The following RALGPS1 variants were observed in gnomAD, a reference collection of about 807,000 sequenced individuals.
RALGPS1 encodes Ral GEF with PH domain and SH3 binding motif 1.
A neutral mutation model predicts 78.8 loss-of-function variants in RALGPS1; 19 were observed. That is an observed-to-expected ratio of 0.24 (90% confidence interval 0.17 to 0.35). The LOEUF (loss-of-function observed/expected upper bound fraction) is 0.35. RALGPS1 is among the 10% of genes least tolerant of loss of function. RALGPS1 has a pLI of 1.00. For synonymous variants in RALGPS1, 228 were observed against 256.3 expected (o/e 0.89, Z 1.06); for missense variants, 454 against 688.3 (o/e 0.66, Z 3.81).
intron 4 of RALGPS1, among the ~76,000 whole-genome samples, chr9:127,018,163 C>T (rs1215785469): frequency 1.3e-5 from 2 of 151,934 alleles, no homozygotes; most frequent in African/African-American, 4.8e-5. Flanking sequence ...TGCAGTGACC[C>T]GACATTGCGC....
chr9:127,061,877 C>G (rs964857279), intron 7 of RALGPS1, among the ~76,000 whole-genome samples: 1 of 152,112 alleles, frequency 6.6e-6, no homozygotes, highest in Non-Finnish European at 1.5e-5. Context: ...GGGCCCTTGG[C>G]AAACTTATAT....
intron 4 of RALGPS1, among the ~76,000 whole-genome samples, chr9:127,022,305 C>T (rs1428355862): frequency 9.2e-5 from 14 of 152,090 alleles, no homozygotes; most frequent in Non-Finnish European, 1.6e-4. Flanking sequence ...TTCAAATTAC[C>T]AAAGTGAGTT....
intron 4 of RALGPS1, 185 bp downstream of exon 4, chr9:126,977,930 G>A (rs2040833568): frequency 2.1e-6 from 1 of 486,068 alleles, no homozygotes; most frequent in African/African-American, 2.0e-5. Context: ...ATTTTCCAGA[G>A]AATGTCTCCC....
At chr9:126,985,302 G>A (rs944805730) in intron 4 of RALGPS1, among the ~76,000 whole-genome samples, 62 of 152,184 alleles carry the variant, frequency 4.1e-4, no homozygotes, top group African/African-American at 1.5e-3. Context: ...ATTCCACACT[G>A]AGACAAGCCA....
In RALGPS1 at chr9:127,212,124, TC is replaced by T. The variant is rs1588594857; in HGVS notation, c.1248-5del. ...AGGGCGATGTCTGACTGGTAGTCTC[TC>T]CTCAGCCCCACCGGCCCGTGCATCT... On this transcript the variant is annotated splice_polypyrimidine_tract_variant and splice_region_variant and intron_variant, in intron 14 of 18. Coordinates refer to ENST00000259351, the MANE Select transcript of RALGPS1 (RefSeq NM_014636.3). The surrounding 1 kb of genome is among the most constrained non-coding windows in gnomAD (Gnocchi z 6.0). 1 of 1,607,908 alleles carries T rather than the reference TC, an allele frequency of 6.2e-7. No homozygotes were observed. The highest frequency in any genetic ancestry group is 8.5e-7 in the Non-Finnish European group (1 of 1,177,314).
In RALGPS1 at chr9:127,185,262, A is replaced by G. The variant is rs997786895; in HGVS notation, c.911-9829A>G. 1.1e-4 allele frequency among the ~76,000 whole-genome samples: 16 copies of G among 151,896 alleles called. 1 individual carries two copies. The highest frequency in any genetic ancestry group is 3.9e-4 in the African/African-American group (16 of 41,412). ...AGTGCCCCTTCCTAAAAATCTCTAC[A>G]CCTTCCCCTCGTTGAACTCCAGGCT... is the stretch of plus-strand genomic sequence containing the variant. On this transcript the variant is annotated intron_variant, in intron 11 of 18. Coordinates refer to ENST00000259351, the MANE Select transcript of RALGPS1 (RefSeq NM_014636.3).
chr9:127,174,261 GAAAA>G (rs1020127049), intron 10 of RALGPS1, among the ~76,000 whole-genome samples: 4 of 137,194 alleles, frequency 2.9e-5, no homozygotes, highest in Non-Finnish European at 6.3e-5. Flanking sequence ...AAGAAAGAAA[GAAAA>G]AGAGAGAGAG....
rs1055738728 is a variant in RALGPS1 at position 127,212,563 on chromosome 9, C to T, written c.1354-64C>T. 2.7e-5 allele frequency: 32 copies of T among 1,199,432 alleles called. No homozygotes were observed. The highest frequency in any genetic ancestry group is 2.1e-4 in the African/African-American group (14 of 65,404). 74.3% of individuals were successfully genotyped at this position (1,199,432 alleles called of 1,614,324 possible). On this transcript the variant is annotated intron_variant, in intron 15 of 18. Coordinates refer to ENST00000259351, the MANE Select transcript of RALGPS1 (RefSeq NM_014636.3). The surrounding 1 kb of genome is among the most constrained non-coding windows in gnomAD (Gnocchi z 6.0). ...TTGATGGGATGGCTGGGTCTGTAAT[C>T]GGCCAGGGATCCTCTACCCCCACGA...
At chr9:127,150,547 G>A (rs539855304) in intron 8 of RALGPS1, among the ~76,000 whole-genome samples, 4 of 152,284 alleles carry the variant, frequency 2.6e-5, no homozygotes, top group African/African-American at 9.6e-5. Context: ...TGCAGAGTGG[G>A]CATTTGTATG....
chr9:126,941,172 G>GT (rs1004909484), intron 1 of RALGPS1, among the ~76,000 whole-genome samples: 15 of 152,052 alleles, frequency 9.9e-5, no homozygotes, highest in African/African-American at 2.9e-4. Flanking sequence ...GTTGTGGGGG[G>GT]GGGTTGTTGG....
chr9:127,089,479 TG>T (rs1210397466), intron 8 of RALGPS1, among the ~76,000 whole-genome samples: 1 of 152,108 alleles, frequency 6.6e-6, no homozygotes, highest in African/African-American at 2.4e-5. Context: ...CAGGGCTGGG[TG>T]CAAAGGAGGC....
chr9:127,113,237 C>G (rs951248829), intron 8 of RALGPS1, among the ~76,000 whole-genome samples: 5 of 152,074 alleles, frequency 3.3e-5, no homozygotes, highest in African/African-American at 1.2e-4. Flanking sequence ...AGTGATTTGC[C>G]CAGGAACACA....
chr9:126,996,211 A>G (rs2042736652), intron 4 of RALGPS1, among the ~76,000 whole-genome samples: 1 of 152,188 alleles, frequency 6.6e-6, no homozygotes, highest in South Asian at 2.1e-4. Flanking sequence ...TAGAGACACA[A>G]AAAACCCTTC....
At chr9:127,150,686 C>T (rs2078249490) in intron 8 of RALGPS1, among the ~76,000 whole-genome samples, 1 of 152,238 alleles carries the variant, frequency 6.6e-6, no homozygotes, top group Admixed American at 6.5e-5. Flanking sequence ...TGGGCTCTTA[C>T]AACTGGATTA....
intron 8 of RALGPS1, 138 bp from the exon 9 acceptor site, chr9:127,165,931 G>T: frequency 7.7e-7 from 1 of 1,295,148 alleles, no homozygotes; most frequent in Non-Finnish European, 1.0e-6. Flanking sequence ...AATCAGGATT[G>T]GAATTAAAGT....
At chr9:127,112,397 C>G (rs947312978) in intron 8 of RALGPS1, among the ~76,000 whole-genome samples, 1 of 152,234 alleles carries the variant, frequency 6.6e-6, no homozygotes, top group Admixed American at 6.5e-5. Context: ...GGCTGCTCAC[C>G]TGAGGCAGTG....
chr9:127,197,832 G>A (rs2248712), intron 13 of RALGPS1, among the ~76,000 whole-genome samples: 92,028 of 152,102 alleles, frequency 0.61, 30,915 homozygotes, highest in Admixed American at 0.76. Flanking sequence ...CTGTGCTGGT[G>A]GGTGGGAGTC....
At chr9:127,011,951 A>G (rs1398667990) in intron 4 of RALGPS1, among the ~76,000 whole-genome samples, 1 of 152,178 alleles carries the variant, frequency 6.6e-6, no homozygotes, top group Non-Finnish European at 1.5e-5. Flanking sequence ...AGCACCAGAC[A>G]TGCTCCGAAA....
At chr9:127,011,783 A>G (rs753034021) in intron 4 of RALGPS1, among the ~76,000 whole-genome samples, 53 of 152,282 alleles carry the variant, frequency 3.5e-4, no homozygotes, top group Non-Finnish European at 7.1e-4. Context: ...GTTTGTATGT[A>G]ACAGGAAGAT....
Sources: gnomAD v4.1 joint callset for allele counts (sites outside exome capture counted in the v4.1 genomes callset) on GRCh38, gnomAD v4.1.1 for gene constraint, Gnocchi (gnomAD v3.1) non-coding constraint, MANE v1.5 for transcripts, NCBI Gene and HGNC (gene_info 2026-07-23, HGNC 2026-07-21) for gene names.